The following PARP8 variants were observed in gnomAD, a reference collection of about 807,000 sequenced individuals.
The protein encoded by PARP8 is protein mono-ADP-ribosyltransferase PARP8.
In PARP8, 51 loss-of-function variants were observed where a neutral mutation model predicts 124.1. The observed-to-expected ratio is 0.41, with a 90% CI of 0.33 to 0.52. PARP8 has a LOEUF of 0.52. PARP8 is among the 20% of genes least tolerant of loss of function. The pLI, the probability that PARP8 is intolerant of heterozygous loss-of-function variation, is 0.21. For missense variants in PARP8, 860 were observed against 1,018.9 expected (o/e 0.84, Z 2.12); for synonymous variants, 391 against 361.5 (o/e 1.08, Z -0.93).
intron 2 of PARP8, among the ~76,000 whole-genome samples, chr5:50,671,494 TTG>T (rs1294033523): frequency 2.3e-5 from 2 of 87,766 alleles, no homozygotes; most frequent in Non-Finnish European, 4.4e-5. Context: ...CAAATAAGAA[TTG>T]TGTTTTGTAA....
chr5:50,709,329 T>C (rs1179612558), intron 2 of PARP8, among the ~76,000 whole-genome samples: 1 of 152,074 alleles, frequency 6.6e-6, no homozygotes, highest in African/African-American at 2.4e-5. Context: ...TTTTAAATTC[T>C]TTCATTTTTT....
chr5:50,666,841 G>A lies in PARP8; in HGVS notation c.-255G>A. 1 of 1,338,452 alleles carries A rather than the reference G, an allele frequency of 7.5e-7. No homozygotes were observed. The highest frequency in any genetic ancestry group is 2.9e-4 in the Middle Eastern group (1 of 3,436). 82.9% of individuals were successfully genotyped at this position (1,338,452 alleles called of 1,614,324 possible). A position where few individuals can be genotyped will look rare whatever the true frequency, so the allele number is the denominator to read the frequency against. ...TCCATTGTCAGAAGGGGAGGAAATT[G>A]GAATCCAGCAGCGGCGAGCAGCAGC... On this transcript the variant is annotated 5_prime_UTR_variant, in exon 1 of 26. Transcript: ENST00000281631.
In PARP8 at chr5:50,822,222, T is replaced by A. The variant is rs1745838504; in HGVS notation, c.1795-113T>A. ...CACCAAACAGTCATTTCTTTCAAATTGACCCCAGTGGAAAATTCACATATG... is the reference window on the plus strand; with the variant it reads ...CACCAAACAGTCATTTCTTTCAAATAGACCCCAGTGGAAAATTCACATATG... On this transcript the variant is annotated intron_variant, in intron 16 of 25. Coordinates refer to ENST00000281631, the MANE Select transcript of PARP8 (RefSeq NM_024615.4). The A allele has an allele frequency of 6.5e-6, 5 of 768,160 alleles. No homozygotes were observed. The East Asian group carries it at 1.3e-4, about 19-fold the overall frequency. 47.6% of individuals were successfully genotyped at this position (768,160 alleles called of 1,614,324 possible).
chr5:50,776,879 A>T (rs1393302056), intron 7 of PARP8, among the ~76,000 whole-genome samples: 15 of 152,198 alleles, frequency 9.9e-5, no homozygotes, highest in Admixed American at 9.8e-4. Flanking sequence ...ACCATACTTG[A>T]CACAGTTTTA....
chr5:50,701,843 T>G (rs1390896557), intron 2 of PARP8, among the ~76,000 whole-genome samples: 1 of 152,160 alleles, frequency 6.6e-6, no homozygotes, highest in Admixed American at 6.5e-5. Flanking sequence ...ATTTAGAAAT[T>G]CTTCGTTTCT....
At chr5:50,717,273 G>A (rs1447955819) in intron 2 of PARP8, among the ~76,000 whole-genome samples, 2 of 151,906 alleles carry the variant, frequency 1.3e-5, no homozygotes, top group Non-Finnish European at 2.9e-5. Flanking sequence ...TAAAAAAAGG[G>A]GAAATGCAAA....
In PARP8 at chr5:50,753,544, G is replaced by A. The variant is rs548530401; in HGVS notation, c.184+3356G>A. 1.8e-3 allele frequency among the ~76,000 whole-genome samples: 271 copies of A among 152,110 alleles called. 3 individuals are homozygous for A. Among genetic ancestry groups the A allele is most frequent in the African/African-American group, 6.3e-3 (262 of 41,514 alleles). On this transcript the variant is annotated intron_variant, in intron 3 of 25. Coordinates refer to ENST00000281631, the MANE Select transcript of PARP8 (RefSeq NM_024615.4). Reference sequence around the variant, plus strand: ...TATTTGAAAAAGGACATGGTATAGTGACAAATCATTGATTTTTGGATTCAG... The same window carrying A: ...TATTTGAAAAAGGACATGGTATAGTAACAAATCATTGATTTTTGGATTCAG...
rs751593647 is a variant in PARP8, at chr5:50,843,237, A to G, written c.*1169A>G. The G allele has an allele frequency of 1.3e-5, 2 of 151,732 alleles. No homozygotes were observed. The highest frequency in any genetic ancestry group is 1.3e-4 in the Admixed American group (2 of 15,168). 9.4% of individuals were successfully genotyped at this position (151,732 alleles called of 1,614,324 possible). A position where few individuals can be genotyped will look rare whatever the true frequency, so the allele number is the denominator to read the frequency against. ...TCTTTGAGTCCTAGAGTTCTTATTCATCAAGTTTTAATTGACAGTGTTTAT... is the reference window on the plus strand; with the variant it reads ...TCTTTGAGTCCTAGAGTTCTTATTCGTCAAGTTTTAATTGACAGTGTTTAT... On this transcript the variant is annotated 3_prime_UTR_variant, in exon 26 of 26. Transcript: ENST00000281631.
chr5:50,673,081 T>C (rs987153901), intron 2 of PARP8, among the ~76,000 whole-genome samples: 2 of 152,204 alleles, frequency 1.3e-5, no homozygotes, highest in Non-Finnish European at 2.9e-5. Context: ...ACTTTTATGT[T>C]ATATCACTTA....
At chr5:50,717,154 G>T (rs1755398942) in intron 2 of PARP8, among the ~76,000 whole-genome samples, 2 of 151,996 alleles carry the variant, frequency 1.3e-5, no homozygotes, top group South Asian at 4.1e-4. Flanking sequence ...GTAAATAGAA[G>T]GCTGTATTCT....
At chr5:50,784,760 T>G (rs1741057630) in intron 9 of PARP8, among the ~76,000 whole-genome samples, 1 of 152,128 alleles carries the variant, frequency 6.6e-6, no homozygotes, top group Non-Finnish European at 1.5e-5. Flanking sequence ...TCTGGGGATT[T>G]TTGTTGTTGT....
intron 7 of PARP8, among the ~76,000 whole-genome samples, chr5:50,764,770 G>A (rs1760888971): frequency 6.6e-6 from 1 of 150,900 alleles, no homozygotes; most frequent in African/African-American, 2.4e-5. Context: ...GAAGGCAATT[G>A]GGACTATCAA....
intron 7 of PARP8, among the ~76,000 whole-genome samples, chr5:50,775,754 C>A (rs1269439319): frequency 1.3e-5 from 2 of 152,066 alleles, no homozygotes; most frequent in African/African-American, 4.8e-5. Flanking sequence ...TTGTATCCTG[C>A]AATTTTACTA....
intron 7 of PARP8, among the ~76,000 whole-genome samples, chr5:50,772,540 C>T (rs1761731158): frequency 6.6e-6 from 1 of 152,146 alleles, no homozygotes; most frequent in Non-Finnish European, 1.5e-5. Context: ...TTGCTAACAG[C>T]CATTCTAATT....
At position 50,797,047 on chromosome 5, in the gene PARP8, T is replaced by G. The variant is rs1742637152; in HGVS notation, c.1479+15T>G. On this transcript the variant is annotated intron_variant, in intron 13 of 25. Transcript: ENST00000281631. ...TCCTGGTGCAGGTATGAGCCAAAAC[T>G]CTATCCATTGTACAAATATTTTAGT... 6.2e-7 allele frequency: 1 copy of G among 1,612,756 alleles called. No homozygotes were observed. The highest frequency in any genetic ancestry group is 2.2e-5 in the East Asian group (1 of 44,844).
chr5:50,688,734 CTT>C lies in PARP8; in HGVS notation c.146+20610_146+20611del, dbSNP rs569951307. Among the ~76,000 whole-genome samples the C allele has an allele frequency of 2.7e-3, 412 of 152,266 alleles. 2 individuals carry two copies. The highest frequency in any genetic ancestry group is 6.8e-3 in the Middle Eastern group (2 of 294). On this transcript the variant is annotated intron_variant, in intron 2 of 25. Coordinates refer to ENST00000281631, the MANE Select transcript of PARP8 (RefSeq NM_024615.4). ...CCTAGAAAGTAAGTCTAGCTTGACT[CTT>C]GAAGTATTATAGTATTTAAATTCTT...
Position 50,789,157 on chromosome 5 carries a change from T to G in PARP8, c.737+568T>G, listed in dbSNP as rs868758244. 3.1e-4 allele frequency among the ~76,000 whole-genome samples: 47 copies of G among 152,210 alleles called. 1 individual carries two copies. Among genetic ancestry groups the G allele is most frequent in the African/African-American group, 9.6e-4 (40 of 41,468 alleles). On this transcript the variant is annotated intron_variant, in intron 10 of 25. Transcript: ENST00000281631. ...TGCCATTCCTACCGCTTTGAAACAT[T>G]GGTTTTTTAACTAAACACTTTATTT...
chr5:50,794,038 A>G (rs11747930), intron 10 of PARP8, among the ~76,000 whole-genome samples, 169 bp from the exon 11 acceptor site: 38,380 of 152,042 alleles, frequency 0.25, 5,057 homozygotes, highest in South Asian at 0.37. Context: ...AATTTGCTAT[A>G]TGATGCTTTC....
At chr5:50,693,605 C>G (rs1169827417) in intron 2 of PARP8, among the ~76,000 whole-genome samples, 1 of 151,566 alleles carries the variant, frequency 6.6e-6, no homozygotes, top group African/African-American at 2.4e-5. Context: ...AATTTAAGCA[C>G]TTAATTTATA....
Sources: gnomAD v4.1 joint callset for allele counts (sites outside exome capture counted in the v4.1 genomes callset) on GRCh38, gnomAD v4.1.1 for gene constraint, MANE v1.5 for transcripts, NCBI Gene and HGNC (gene_info 2026-07-23, HGNC 2026-07-21) for gene names.